The following DDX56 variants were observed in gnomAD, a reference collection of about 807,000 sequenced individuals.
DDX56 encodes the protein DEAD-box helicase 56, also known as probable ATP-dependent RNA helicase DDX56.
Under a neutral mutation model 61.5 loss-of-function variants are expected in DDX56, and 45 were observed. The observed-to-expected ratio is 0.73, with a 90% CI of 0.58 to 0.94. DDX56 has a LOEUF of 0.94. Among genes scored for constraint, DDX56 ranks in the 40% least tolerant of loss-of-function variants. DDX56 has a pLI of 0.00. For missense variants in DDX56, 708 were observed against 690.7 expected (o/e 1.02, Z -0.28); for synonymous variants, 273 against 268.3 (o/e 1.02, Z -0.17).
In DDX56 at chr7:44,573,508, C is replaced by T. The variant is rs1802734909; in HGVS notation, c.222+75G>A. The T allele has an allele frequency of 3.2e-6, 5 of 1,563,618 alleles. No homozygotes were observed. The South Asian group carries it at 5.9e-5, about 18-fold the overall frequency. On this transcript the variant is annotated intron_variant, in intron 2 of 13. Transcript: ENST00000258772. ...CGGGTACAGGGCCAAGAGAAAACCT[C>T]AGACAAACGGGAACCGCCCTTCCCA... is the stretch of plus-strand genomic sequence containing the variant.
chr7:44,572,443 A>C lies in DDX56; in HGVS notation c.555-6T>G. The C allele has an allele frequency of 6.2e-7, 1 of 1,614,094 alleles. No homozygotes were observed. Among genetic ancestry groups the C allele is most frequent in the South Asian group, 1.1e-5 (1 of 91,078 alleles). ...GGTAAATCCGGGGCAAGTGACTGAA[A>C]TGAAAGAATCCAATCAGATTCCAGC... On this transcript the variant is annotated splice_polypyrimidine_tract_variant and splice_region_variant and intron_variant, in intron 4 of 13. Coordinates refer to ENST00000258772, the MANE Select transcript of DDX56 (RefSeq NM_019082.4).
In DDX56 at chr7:44,572,684, G is replaced by A; in HGVS notation, c.444C>T (p.His148=). 1 of 1,614,254 alleles carries A rather than the reference G, an allele frequency of 6.2e-7. No homozygotes were observed. Among genetic ancestry groups the A allele is most frequent in the Non-Finnish European group, 8.5e-7 (1 of 1,180,054 alleles). Residue 148 remains histidine (H), a synonymous_variant, in exon 4 of 14, where the codon CAC becomes CAT. Transcript: ENST00000258772. ...VVGTPSRILS[H]LQQDSLKLRD... ...GAAGTTTCAGGCTGTCTTGCTGCAA[G>A]TGGCTTAATATGCGAGATGGGGTCC...
intron 5 of DDX56, 127 bp from the exon 6 acceptor site, chr7:44,571,863 C>G: frequency 8.0e-7 from 1 of 1,245,370 alleles, no homozygotes; most frequent in South Asian, 1.4e-5. Flanking sequence ...TCCTGGCACC[C>G]TAACTCTCCT....
chr7:44,569,104 T>A (rs375642630), intron 10 of DDX56, 26 bp downstream of exon 10: 81 of 1,612,914 alleles, frequency 5.0e-5, no homozygotes, highest in Non-Finnish European at 6.2e-5. Flanking sequence ...TCCCCTCTCA[T>A]TCCCCTCCCC....
chr7:44,567,969 C>T, intron 12 of DDX56, 149 bp downstream of exon 12: 1 of 682,548 alleles, frequency 1.5e-6, no homozygotes, highest in Non-Finnish European at 2.6e-6. Flanking sequence ...CAGGGGTGTG[C>T]CTGTTTACAT....
chr7:44,569,813 A>T lies in DDX56; in HGVS notation c.1215T>A (p.Ser405Arg), dbSNP rs759448085. 1.2e-6 allele frequency: 2 copies of T among 1,606,364 alleles called. No individual in the cohort carries two copies. Among genetic ancestry groups the T allele is most frequent in the Non-Finnish European group, 1.7e-6 (2 of 1,175,438 alleles). ...FHLGKIEELL[S>R]GENRGPILLP... is the part of the protein sequence containing the mutation. ...CCACAAGAGCCAGGCTCTTACCTCC[A>T]CTGAGAAGCTCCTCAATCTTGCCTA... Residue 405 changes from serine to arginine, a missense_variant, in exon 9 of 14, where the codon AGT (serine) becomes AGA (arginine). By Grantham distance (110) the Ser-to-Arg change is moderately radical. Transcript: ENST00000258772.
chr7:44,566,378 C>T, intron 13 of DDX56, 70 bp downstream of exon 13: 1 of 1,370,336 alleles, frequency 7.3e-7, no homozygotes, highest in Non-Finnish European at 1.0e-6. Context: ...GGCGCCTCCA[C>T]ATTCTGGTGA....
At chr7:44,568,260 C>T (rs1451263335) in intron 11 of DDX56, 37 bp from the exon 12 acceptor site, 2 of 1,474,368 alleles carry the variant, frequency 1.4e-6, no homozygotes, top group Non-Finnish European at 1.9e-6. Flanking sequence ...GAGTGAGCAT[C>T]TTTCTTCTGT....
chr7:44,573,051 C>A lies in DDX56; in HGVS notation c.223-1G>T. On this transcript the variant is annotated splice_acceptor_variant, in intron 2 of 13. Coordinates refer to ENST00000258772, the MANE Select transcript of DDX56 (RefSeq NM_019082.4). LOFTEE classifies it high-confidence loss of function. ...CTGCCTGTTCTACCACCGGACCTGTCTGTAAGAATATGAATTAAAGACTTT... is the reference window on the plus strand; with the variant it reads ...CTGCCTGTTCTACCACCGGACCTGTATGTAAGAATATGAATTAAAGACTTT... 2 of 1,566,282 alleles carry A rather than the reference C, an allele frequency of 1.3e-6. No homozygotes were observed. The highest frequency in any genetic ancestry group is 1.7e-6 in the Non-Finnish European group (2 of 1,157,780).
Position 44,573,591 on chromosome 7 carries a change from T to A in DDX56, c.214A>T (p.Arg72Trp), listed in dbSNP as rs370902986. ...AIPMLQLLLHRKATGPVVEQA... is the reference protein window; with the variant it reads ...AIPMLQLLLHWKATGPVVEQA... ...GCTCTCTCGTTACCCACCGCCTTCC[T>A]ATGGAGCAACAGCTGCAGCATCGGA... Residue 72 changes from arginine to tryptophan, a missense_variant, in exon 2 of 14, where the codon AGG (arginine) becomes TGG (tryptophan). Arg to Trp is a moderately radical substitution (Grantham distance 101). Transcript: ENST00000258772. 3.7e-6 allele frequency: 6 copies of A among 1,613,384 alleles called. No individual in the cohort carries two copies. The highest frequency in any genetic ancestry group is 3.3e-4 in the Middle Eastern group (2 of 6,082).
intron 11 of DDX56, 87 bp from the exon 12 acceptor site, chr7:44,568,310 T>C (rs1338243821): frequency 4.1e-6 from 4 of 975,512 alleles, no homozygotes; most frequent in Non-Finnish European, 6.1e-6. Context: ...AACACACTCA[T>C]GTGTTTCAAA....
At chr7:44,573,418 A>G (rs1202484493) in intron 2 of DDX56, among the ~76,000 whole-genome samples, 165 bp downstream of exon 2, 1 of 152,278 alleles carries the variant, frequency 6.6e-6, no homozygotes, top group Non-Finnish European at 1.5e-5. Flanking sequence ...ACAAGGATCC[A>G]GGTAACCTGA....
At chr7:44,568,579 C>T (rs1802597064) in intron 11 of DDX56, among the ~76,000 whole-genome samples, 1 of 152,006 alleles carries the variant, frequency 6.6e-6, no homozygotes, top group Admixed American at 6.6e-5. Context: ...CATGATAATG[C>T]CATGGATGGA....
Position 44,573,580 on chromosome 7 carries a change from C to T in DDX56, c.222+3G>A, listed in dbSNP as rs779625607. 1 of 1,612,562 alleles carries T rather than the reference C, an allele frequency of 6.2e-7. No homozygotes were observed. The highest frequency in any genetic ancestry group is 8.5e-7 in the Non-Finnish European group (1 of 1,178,952). On this transcript the variant is annotated splice_donor_region_variant and intron_variant, in intron 2 of 13. Transcript: ENST00000258772. ...TCCTCCCCTCAGCTCTCTCGTTACC[C>T]ACCGCCTTCCTATGGAGCAACAGCT...
chr7:44,568,777 C>T, intron 11 of DDX56, 126 bp downstream of exon 11: 2 of 725,542 alleles, frequency 2.8e-6, no homozygotes, highest in Non-Finnish European at 4.7e-6. Flanking sequence ...GGTCCATTTC[C>T]TCCCCTTCCG....
Position 44,568,108 on chromosome 7 carries a change from C to T in DDX56, c.1489+10G>A. 6.2e-7 allele frequency: 1 copy of T among 1,608,882 alleles called. No homozygotes were observed. The highest frequency in any genetic ancestry group is 8.5e-7 in the Non-Finnish European group (1 of 1,175,270). On this transcript the variant is annotated intron_variant, in intron 12 of 13. Transcript: ENST00000258772. ...GCCTGCTGCCTCCTGCCCTGTCAGG[C>T]CACACTCACCCAGGTAGTCAGGAAC...
intron 2 of DDX56, 147 bp downstream of exon 2, chr7:44,573,436 C>A: frequency 9.2e-7 from 1 of 1,089,974 alleles, no homozygotes; most frequent in South Asian, 1.5e-5. Context: ...TGAACTCCAG[C>A]CCAGAGTGTT....
At chr7:44,571,415 G>A in intron 6 of DDX56, 77 bp downstream of exon 6, 1 of 1,571,342 alleles carries the variant, frequency 6.4e-7, no homozygotes, top group South Asian at 1.1e-5. Context: ...AAGTGCTTAA[G>A]AAACAGAACA....
rs1313104847 is a variant in DDX56 at position 44,570,031 on chromosome 7, T to C, written c.1108A>G (p.Ile370Val). ...FDLPPTPEAY[I>V]HRAGRTARAN... Reference sequence around the variant, plus strand: ...CACTACTACCTGCCAGCTCGATGGATGTAGGCCTCAGGGGTTGGGGGAAGA... The same window carrying C: ...CACTACTACCTGCCAGCTCGATGGACGTAGGCCTCAGGGGTTGGGGGAAGA... The change falls in exon 8 of 14, where the codon ATC becomes GTC. Residue 370 changes from isoleucine to valine, a missense_variant. Physicochemically the swap from Ile to Val is conservative, Grantham distance 29. Coordinates refer to ENST00000258772, the MANE Select transcript of DDX56 (RefSeq NM_019082.4). The C allele has an allele frequency of 9.9e-6, 16 of 1,614,064 alleles. No individual in the cohort carries two copies. Among genetic ancestry groups the C allele is most frequent in the Middle Eastern group, 3.3e-4 (2 of 6,084 alleles).
Sources: allele counts gnomAD v4.1 joint callset (sites outside exome capture counted in the v4.1 genomes callset), GRCh38; gene constraint gnomAD v4.1.1; transcripts MANE v1.5; gene names NCBI Gene and HGNC (gene_info 2026-07-23, HGNC 2026-07-21).